CDK14: variants seen among roughly 807,000 people sequenced by gnomAD.
CDK14 encodes the protein cyclin dependent kinase 14.
Under a neutral mutation model 60.7 loss-of-function variants are expected in CDK14, and 34 were observed. The ratio of observed to expected loss-of-function variants is 0.56; its 90% CI spans 0.43 to 0.75. CDK14 has a LOEUF of 0.75. Ranked by LOEUF, CDK14 falls within the 30% of genes least tolerant of loss-of-function variation. The pLI is 0.00. For synonymous variants in CDK14, 197 were observed against 203.7 expected (o/e 0.97, Z 0.28); for missense variants, 482 against 564.1 (o/e 0.85, Z 1.47).
At chr7:90,602,968 T>C (rs1702127273) in intron 1 of CDK14, among the ~76,000 whole-genome samples, 1 of 152,218 alleles carries the variant, frequency 6.6e-6, no homozygotes, top group Admixed American at 6.5e-5. Context: ...TCCTAAGCTT[T>C]TCTATGATAG....
intron 6 of CDK14, among the ~76,000 whole-genome samples, chr7:90,866,478 C>A (rs906237503): frequency 8.6e-5 from 13 of 151,996 alleles, no homozygotes; most frequent in African/African-American, 3.1e-4. Context: ...AAAACCAATA[C>A]CCCATGCCCA....
chr7:90,997,128 C>A (rs1405919663), intron 10 of CDK14, among the ~76,000 whole-genome samples: 1 of 152,196 alleles, frequency 6.6e-6, no homozygotes, highest in African/African-American at 2.4e-5. Flanking sequence ...TCCTCCTGGA[C>A]CTCTTGGTCT....
chr7:91,103,641 G>A (rs1175670121), intron 12 of CDK14, among the ~76,000 whole-genome samples: 4 of 152,138 alleles, frequency 2.6e-5, no homozygotes, highest in African/African-American at 4.8e-5. Flanking sequence ...TGGAGGATAT[G>A]TAGCATTAGA....
At chr7:91,102,371 C>CT (rs1170757402) in intron 12 of CDK14, among the ~76,000 whole-genome samples, 2 of 152,164 alleles carry the variant, frequency 1.3e-5, no homozygotes, top group Non-Finnish European at 2.9e-5. Flanking sequence ...CATTCTAGAA[C>CT]TTTTTCTTCC....
At chr7:90,712,060 T>G (rs1000311077) in intron 2 of CDK14, among the ~76,000 whole-genome samples, 1 of 148,488 alleles carries the variant, frequency 6.7e-6, no homozygotes, top group African/African-American at 2.5e-5. Flanking sequence ...AGAGAAAATA[T>G]GTGGCAAGTT....
chr7:90,979,968 G>A (rs1026064826), intron 9 of CDK14, among the ~76,000 whole-genome samples: 2 of 151,576 alleles, frequency 1.3e-5, no homozygotes, highest in East Asian at 1.9e-4. Context: ...CATTTTTTTA[G>A]TTATAATTTT....
chr7:91,008,146 C>CAAAA (rs1394465227), intron 10 of CDK14, among the ~76,000 whole-genome samples: 2 of 84,122 alleles, frequency 2.4e-5, no homozygotes, highest in African/African-American at 4.3e-5. Flanking sequence ...AAAAAAAAAA[C>CAAAA]AAACAAAAAA....
In CDK14 at chr7:91,208,518, A is replaced by T. The variant is rs1253737862; in HGVS notation, c.*1382A>T. On this transcript the variant is annotated 3_prime_UTR_variant, in exon 15 of 15. Coordinates refer to ENST00000380050, the MANE Select transcript of CDK14 (RefSeq NM_001287135.2). ...AAAGCATGAAACCTAGCTCCTCTAC[A>T]CACAAATTCCTATGGAAATACCTTT... The T allele has an allele frequency of 6.6e-6, 1 of 152,236 alleles. No individual in the cohort carries two copies. Among genetic ancestry groups the T allele is most frequent in the Non-Finnish European group, 1.5e-5 (1 of 68,034 alleles). 9.4% of individuals were successfully genotyped at this position (152,236 alleles called of 1,614,324 possible).
At chr7:90,743,393 T>G (rs1803433786) in intron 3 of CDK14, among the ~76,000 whole-genome samples, 1 of 152,172 alleles carries the variant, frequency 6.6e-6, no homozygotes, top group African/African-American at 2.4e-5. Context: ...AAAAGCAACT[T>G]GAAATGTTTT....
chr7:91,103,825 CGAGA>C (rs552559679), intron 12 of CDK14, among the ~76,000 whole-genome samples: 12 of 123,882 alleles, frequency 9.7e-5, no homozygotes, highest in South Asian at 5.5e-4. Flanking sequence ...GCAAGGAGAC[CGAGA>C]GAGAGAGAGA....
intron 5 of CDK14, among the ~76,000 whole-genome samples, chr7:90,827,975 AT>A (rs1271564729): frequency 6.6e-6 from 1 of 152,214 alleles, no homozygotes; most frequent in African/African-American, 2.4e-5. Context: ...TAAAAATCAC[AT>A]TTTAAAATAA....
intron 9 of CDK14, among the ~76,000 whole-genome samples, chr7:90,970,020 G>A (rs1441958239): frequency 1.3e-5 from 2 of 149,712 alleles, no homozygotes; most frequent in African/African-American, 4.9e-5. Context: ...AGGCTGGAGT[G>A]CAGTGGCACA....
chr7:90,645,349 A>C (rs2116455563), intron 2 of CDK14, among the ~76,000 whole-genome samples: 1 of 137,074 alleles, frequency 7.3e-6, no homozygotes, highest in African/African-American at 2.8e-5. Flanking sequence ...TAATTATTGA[A>C]TGAATGATTT....
At chr7:91,153,314 T>G (rs1800876234) in intron 14 of CDK14, among the ~76,000 whole-genome samples, 1 of 152,180 alleles carries the variant, frequency 6.6e-6, no homozygotes, top group Non-Finnish European at 1.5e-5. Context: ...GTTCCACCAC[T>G]GTAGACGACA....
intron 2 of CDK14, among the ~76,000 whole-genome samples, chr7:90,697,833 C>T (rs1165938268): frequency 6.6e-6 from 1 of 152,000 alleles, no homozygotes; most frequent in Non-Finnish European, 1.5e-5. Flanking sequence ...CTTTGGGAGG[C>T]TGAGGCAGGT....
At chr7:90,924,613 G>T in intron 8 of CDK14, among the ~76,000 whole-genome samples, 1 of 152,130 alleles carries the variant, frequency 6.6e-6, no homozygotes, top group East Asian at 1.9e-4. Flanking sequence ...GCAGTCTAAA[G>T]CACATGTTTT....
chr7:91,197,910 C>T (rs967479107), intron 14 of CDK14, among the ~76,000 whole-genome samples: 15 of 152,222 alleles, frequency 9.9e-5, no homozygotes, highest in Admixed American at 6.5e-4. Context: ...CACAGAGCTT[C>T]GCTTCCACGG....
rs143653173 is a variant in CDK14, at chr7:91,027,723, A to G, written c.1042-18174A>G. Among the ~76,000 whole-genome samples the G allele has an allele frequency of 3.8e-3, 551 of 144,022 alleles. 4 individuals carry two copies. Among genetic ancestry groups the G allele is most frequent in the African/African-American group, 0.014 (522 of 38,504 alleles). The allele number at this position is 144,022 out of a possible 152,430, so 94.5% of individuals were successfully genotyped here. The stretch of plus-strand genomic sequence containing the variant: ...TTTTGGTTACATGGATAAATTGTAT[A>G]GTGGTGAAGTCTGGGCTTTAGTGGT... On this transcript the variant is annotated intron_variant, in intron 10 of 14. Coordinates refer to ENST00000380050, the MANE Select transcript of CDK14 (RefSeq NM_001287135.2).
chr7:90,887,213 A>G (rs1214975786), intron 6 of CDK14, among the ~76,000 whole-genome samples: 6 of 152,270 alleles, frequency 3.9e-5, no homozygotes, highest in Non-Finnish European at 8.8e-5. Flanking sequence ...TCAGAGCACA[A>G]TACTCTGTAG....
Sources: gnomAD v4.1 joint callset for allele counts (sites outside exome capture counted in the v4.1 genomes callset) on GRCh38, gnomAD v4.1.1 for gene constraint, MANE v1.5 for transcripts, NCBI Gene and HGNC (gene_info 2026-07-23, HGNC 2026-07-21) for gene names.